Variants in FAT3 observed in about 807,000 individuals in gnomAD.
FAT3 encodes protocadherin Fat 3.
In FAT3, 95 loss-of-function variants were observed where a neutral mutation model predicts 310.2. The ratio of observed to expected loss-of-function variants is 0.31; its 90% confidence interval spans 0.26 to 0.36. The LOEUF is 0.36. Among genes scored for constraint, FAT3 ranks in the 10% least tolerant of loss-of-function variants. FAT3 has a pLI of 1.00. For synonymous variants in FAT3, 2,314 were observed against 2,192.9 expected, an observed-to-expected ratio of 1.06 and a Z score of -1.54; for missense variants, 5,408 against 5,715.6, an observed-to-expected ratio of 0.95 and a Z score of 1.74.
At chr11:92,395,874 C>T (rs1322671736) in intron 2 of FAT3, among the ~76,000 whole-genome samples, 4 of 152,144 alleles carry the variant, frequency 2.6e-5, no homozygotes, top group South Asian at 2.1e-4. Flanking sequence ...CCACCACGCC[C>T]GGCCCAGTGT....
At chr11:92,261,531 A>G (rs565415570) in intron 1 of FAT3, among the ~76,000 whole-genome samples, 1 of 152,092 alleles carries the variant, frequency 6.6e-6, no homozygotes, top group East Asian at 1.9e-4. Context: ...TAACTTGGCT[A>G]TTTTCTTATA....
At chr11:92,357,713 A>T (rs1948771137) in intron 2 of FAT3, among the ~76,000 whole-genome samples, 1 of 151,812 alleles carries the variant, frequency 6.6e-6, no homozygotes, top group African/African-American at 2.4e-5. Flanking sequence ...AGGAAGTTGC[A>T]TTTTGGTTTA....
Position 92,890,560 on chromosome 11 carries a change from A to C in FAT3, c.13217A>C (p.Tyr4406Ser). ...RLSDIEEVPN[Y>S]ENQDGGSAHQ... ...TCGGACATAGAGGAAGTGCCCAACT[A>C]TGAGAACCAGGATGGAGGGTCTGCA... Residue 4406 changes from tyrosine to serine, a missense_variant, in exon 28 of 28, where the codon TAT becomes TCT. Transcript: ENST00000525166. 1 of 1,612,786 alleles carries C rather than the reference A, an allele frequency of 6.2e-7. No individual in the cohort carries two copies. The highest frequency in any genetic ancestry group is 8.5e-7 in the Non-Finnish European group (1 of 1,179,608).
At chr11:92,444,111 T>G (rs1951151071) in intron 2 of FAT3, among the ~76,000 whole-genome samples, 1 of 152,194 alleles carries the variant, frequency 6.6e-6, no homozygotes, top group Non-Finnish European at 1.5e-5. Context: ...TCTCTAAATG[T>G]ATGAATAAAA....
chr11:92,731,721 G>A (rs1037804365), intron 4 of FAT3, among the ~76,000 whole-genome samples: 3 of 151,072 alleles, frequency 2.0e-5, no homozygotes, highest in African/African-American at 4.9e-5. Context: ...AAGCCCTTAA[G>A]GCAGTAAGAA....
rs548710047 is a variant in FAT3, at chr11:92,502,681, A to G, written c.3293-21953A>G. ...GATATGAAAAAATATCTTCCTAACA[A>G]TTGCAACTACTGCTGGAATGGCAAG... On this transcript the variant is annotated intron_variant, in intron 2 of 27. Coordinates refer to ENST00000525166, the MANE Select transcript of FAT3 (RefSeq NM_001367949.2). Among the ~76,000 whole-genome samples, 68 of 152,172 alleles carry G rather than the reference A, an allele frequency of 4.5e-4. No homozygotes were observed. The South Asian group carries it at 0.013, about 30-fold the overall frequency.
At chr11:92,408,472 A>G (rs1468253518) in intron 2 of FAT3, among the ~76,000 whole-genome samples, 1 of 152,100 alleles carries the variant, frequency 6.6e-6, no homozygotes, top group African/African-American at 2.4e-5. Flanking sequence ...TAGTTCCCCC[A>G]CCTGAAGCAT....
intron 3 of FAT3, among the ~76,000 whole-genome samples, chr11:92,533,618 T>A (rs1954152080): frequency 6.6e-6 from 1 of 152,070 alleles, no homozygotes; most frequent in African/African-American, 2.4e-5. Flanking sequence ...GAATCAGCAG[T>A]CATGAACTAA....
At chr11:92,795,960 C>T (rs146791315) in intron 9 of FAT3, among the ~76,000 whole-genome samples, 3 of 152,028 alleles carry the variant, frequency 2.0e-5, no homozygotes, top group Non-Finnish European at 4.4e-5. Flanking sequence ...CCTGCCATCC[C>T]CACCATAATC....
intron 2 of FAT3, chr11:92,366,673 A>G: frequency 1.9e-6 from 1 of 535,162 alleles, no homozygotes; most frequent in African/African-American, 1.9e-5. Flanking sequence ...CATGCTTGAC[A>G]ATGGTTGGAA....
Position 92,755,215 on chromosome 11 carries a change from T to TTTTGTTTGTTTGTTTG in FAT3, c.3670-6633_3670-6618dup, listed in dbSNP as rs71305390. Among the ~76,000 whole-genome samples, 1,313 of 151,428 alleles carry TTTTGTTTGTTTGTTTG rather than the reference T, an allele frequency of 8.7e-3. 20 individuals carry two copies. The highest frequency in any genetic ancestry group is 0.027 in the African/African-American group (1,106 of 41,104). On this transcript the variant is annotated intron_variant, in intron 4 of 27. Transcript: ENST00000525166. Reference sequence around the variant, plus strand: ...ACTTTAAAATTGCTAAGAGAGTAGTTTTTGTTTGTTTGTTTGTTTGTTTTT... The same window carrying TTTTGTTTGTTTGTTTG: ...ACTTTAAAATTGCTAAGAGAGTAGTTTTTGTTTGTTTGTTTGTTTGTTTGTTTGTTTGTTTGTTTTT...
intron 4 of FAT3, 76 bp from the exon 5 acceptor site, chr11:92,761,780 A>G (rs779860938): frequency 1.5e-5 from 21 of 1,363,646 alleles, no homozygotes; most frequent in Non-Finnish European, 2.0e-5. Context: ...GTGCATTAGA[A>G]GAAACACCCA....
Position 92,805,278 on chromosome 11 carries a change from C to T in FAT3, c.9022C>T (p.Leu3008Phe). The change falls in exon 11 of 28, where the codon CTT becomes TTT. Residue 3008 changes from leucine (L) to phenylalanine (F), a missense_variant. This residue lies in a region of FAT3 where 4,588 missense variants were observed against 4,809.8 expected (regional missense o/e 0.95). Transcript: ENST00000525166. ...TCTCAATATCACTGCCACTGATGGG[C>T]TTTTTGTCACACAGGCCATGGTGGA... The part of the protein sequence containing the change: ...YFLNITATDG[L>F]FVTQAMVEVS... 6.2e-7 allele frequency: 1 copy of T among 1,613,772 alleles called. No homozygotes were observed. The highest frequency in any genetic ancestry group is 8.5e-7 in the Non-Finnish European group (1 of 1,179,832).
At chr11:92,368,737 T>C (rs1334728219) in intron 2 of FAT3, among the ~76,000 whole-genome samples, 1 of 151,962 alleles carries the variant, frequency 6.6e-6, no homozygotes, top group African/African-American at 2.4e-5. Flanking sequence ...AATTCCATGC[T>C]AAAATGCTGG....
At position 92,882,849 on chromosome 11, in the gene FAT3, G is replaced by C. The variant is rs377431849; in HGVS notation, c.12393G>C (p.Gln4131His). Reference sequence around the variant, plus strand: ...ACTGCACGCCGGGCTACGTGGGCCAGTACTGCGGGCTGCGCCCCGTGGTGG... The same window carrying C: ...ACTGCACGCCGGGCTACGTGGGCCACTACTGCGGGCTGCGCCCCGTGGTGG... ...LCNCTPGYVG[Q>H]YCGLRPVVVP... The change falls in exon 24 of 28, where the codon CAG becomes CAC. Residue 4131 changes from glutamine to histidine, a missense_variant. Gln to His is a conservative substitution (Grantham distance 24). Coordinates refer to ENST00000525166, the MANE Select transcript of FAT3 (RefSeq NM_001367949.2). 2.5e-5 allele frequency: 41 copies of C among 1,611,916 alleles called. No homozygotes were observed. Among genetic ancestry groups the C allele is most frequent in the Non-Finnish European group, 3.1e-5 (37 of 1,179,308 alleles).
intron 3 of FAT3, among the ~76,000 whole-genome samples, chr11:92,573,583 G>T (rs1315495692): frequency 2.6e-5 from 4 of 152,084 alleles, no homozygotes; most frequent in African/African-American, 7.2e-5. Context: ...ATTTAAGATG[G>T]GTTGTAAATC....
intron 3 of FAT3, among the ~76,000 whole-genome samples, chr11:92,562,005 A>C (rs977924661): frequency 6.6e-6 from 1 of 152,310 alleles, no homozygotes. Flanking sequence ...ACATTTATTC[A>C]TTAAAGTGGG....
intron 1 of FAT3, among the ~76,000 whole-genome samples, chr11:92,348,266 A>C (rs1240515981): frequency 6.6e-6 from 1 of 152,152 alleles, no homozygotes; most frequent in Non-Finnish European, 1.5e-5. Flanking sequence ...GTATGTGATA[A>C]TACTACTCCA....
At chr11:92,791,470 C>T (rs1485424498) in intron 8 of FAT3, among the ~76,000 whole-genome samples, 1 of 152,204 alleles carries the variant, frequency 6.6e-6, no homozygotes, top group African/African-American at 2.4e-5. Flanking sequence ...TAGTGACTAA[C>T]TCCATTCTCA....
Sources: gnomAD v4.1 joint callset for allele counts (sites outside exome capture counted in the v4.1 genomes callset) on GRCh38, gnomAD v4.1.1 for gene constraint, gnomAD v4.1.1 regional missense constraint, MANE v1.5 for transcripts, NCBI Gene and HGNC (gene_info 2026-07-23, HGNC 2026-07-21) for gene names.